GABRG2: variants seen among roughly 807,000 people sequenced by gnomAD.
GABRG2 encodes the protein gamma-aminobutyric acid type A receptor subunit gamma2.
Under a neutral mutation model 56.4 loss-of-function variants are expected in GABRG2, and 16 were observed. The ratio of observed to expected loss-of-function variants is 0.28; its 90% CI spans 0.19 to 0.43. The LOEUF is 0.43. Among genes scored for constraint, GABRG2 ranks in the 20% least tolerant of loss-of-function variants. The probability of loss-of-function intolerance (pLI) is 1.00; values close to 1 mark genes in which losing one functional copy is unlikely to be tolerated. For missense variants in GABRG2, 327 were observed against 582.7 expected (o/e 0.56, Z 4.52); for synonymous variants, 208 against 205.5 (o/e 1.01, Z -0.10).
rs1341698741 is a variant in GABRG2, at chr5:162,153,209, C to T, written c.1269C>T (p.Ala423=). 2 of 1,613,892 alleles carry T rather than the reference C, an allele frequency of 1.2e-6. No individual in the cohort carries two copies. Among genetic ancestry groups the T allele is most frequent in the Non-Finnish European group, 1.7e-6 (2 of 1,179,984 alleles). Residue 423 remains alanine (A), a synonymous_variant, in exon 10 of 10, where the codon GCC becomes GCT. Coordinates refer to ENST00000639213, the MANE Select transcript of GABRG2 (RefSeq NM_198904.4). ...GYECLDGKDC[A]SFFCCFEDCR... ...AGTGTCTGGACGGCAAGGACTGTGC[C>T]AGTTTTTTCTGCTGTTTTGAAGATT...
chr5:162,122,422 A>C (rs1446212496), intron 6 of GABRG2, among the ~76,000 whole-genome samples: 1 of 151,866 alleles, frequency 6.6e-6, no homozygotes, highest in Non-Finnish European at 1.5e-5. Context: ...AAAATAACTG[A>C]ATACATTTAA....
At chr5:162,086,053 T>C (rs531162247) in intron 1 of GABRG2, among the ~76,000 whole-genome samples, 33 of 152,100 alleles carry the variant, frequency 2.2e-4, no homozygotes, top group Admixed American at 9.2e-4. Flanking sequence ...TACTCGTGCA[T>C]GCTTTGTTTC....
chr5:162,090,805 C>T (rs1036643254), intron 1 of GABRG2, among the ~76,000 whole-genome samples: 18 of 152,086 alleles, frequency 1.2e-4, no homozygotes, highest in African/African-American at 4.3e-4. Context: ...TATGTTTGCT[C>T]TCTATCCACT....
chr5:162,075,425 T>A (rs1759017886), intron 1 of GABRG2, among the ~76,000 whole-genome samples: 1 of 152,108 alleles, frequency 6.6e-6, no homozygotes, highest in Non-Finnish European at 1.5e-5. Context: ...CCTCTAATCC[T>A]CTCTGCTTTA....
chr5:162,107,035 C>T (rs1761886825), intron 6 of GABRG2, among the ~76,000 whole-genome samples: 1 of 152,092 alleles, frequency 6.6e-6, no homozygotes, highest in South Asian at 2.1e-4. Flanking sequence ...ACCTCAGTGT[C>T]TGTTGTTCCC....
In GABRG2 at chr5:162,080,779, G is replaced by A. The variant is rs537528075; in HGVS notation, c.107+12673G>A. 9.2e-5 allele frequency among the ~76,000 whole-genome samples: 14 copies of A among 152,142 alleles called. No homozygotes were observed. In the South Asian group the frequency reaches 2.5e-3, roughly 27 times the overall value. On this transcript the variant is annotated intron_variant, in intron 1 of 9. Coordinates refer to ENST00000639213, the MANE Select transcript of GABRG2 (RefSeq NM_198904.4). ...TTTAGCTTCATCAGAGTTATATAACGTGTTGTTCTACATCCTACTGCAAAA... is the reference window on the plus strand; with the variant it reads ...TTTAGCTTCATCAGAGTTATATAACATGTTGTTCTACATCCTACTGCAAAA...
intron 6 of GABRG2, among the ~76,000 whole-genome samples, chr5:162,107,179 A>G (rs1235428983): frequency 2.0e-5 from 3 of 152,172 alleles, no homozygotes; most frequent in South Asian, 4.1e-4. Flanking sequence ...TGCAAAGAAC[A>G]TGTTCTCATT....
intron 6 of GABRG2, among the ~76,000 whole-genome samples, chr5:162,104,355 C>T (rs539294635): frequency 1.3e-5 from 2 of 152,118 alleles, no homozygotes; most frequent in Non-Finnish European, 2.9e-5. Flanking sequence ...GTAGTGAAAT[C>T]GCCACATTTC....
At position 162,142,342 on chromosome 5, in the gene GABRG2, G is replaced by A. The variant is rs760110295; in HGVS notation, c.922+26G>A. On this transcript the variant is annotated intron_variant, in intron 7 of 9. Transcript: ENST00000639213. ...GTGAGACACCTTTGTTTATGTTGCAGTTTCTCAAGATAAGTACCAAATACA... is the reference window on the plus strand; with the variant it reads ...GTGAGACACCTTTGTTTATGTTGCAATTTCTCAAGATAAGTACCAAATACA... 24 of 1,612,382 alleles carry A rather than the reference G, an allele frequency of 1.5e-5. No individual in the cohort carries two copies. The African/African-American group carries it at 1.6e-4, about 11-fold the overall frequency.
intron 2 of GABRG2, 50 bp downstream of exon 2, chr5:162,094,029 G>T (rs370904928): frequency 1.8e-5 from 29 of 1,579,042 alleles, no homozygotes; most frequent in African/African-American, 2.7e-5. Context: ...ACATAAACAT[G>T]TCTACTTTAA....
At chr5:162,143,116 G>C (rs1764703870) in intron 7 of GABRG2, among the ~76,000 whole-genome samples, 1 of 152,086 alleles carries the variant, frequency 6.6e-6, no homozygotes, top group Non-Finnish European at 1.5e-5. Context: ...TTCCCAACTT[G>C]GTATTCGGTG....
chr5:162,094,091 T>C, intron 2 of GABRG2, 112 bp downstream of exon 2: 1 of 1,227,446 alleles, frequency 8.1e-7, no homozygotes, highest in Non-Finnish European at 1.2e-6. Flanking sequence ...AATTATACTT[T>C]TTTATATGTT....
chr5:162,092,673 T>C (rs955101763), intron 1 of GABRG2, among the ~76,000 whole-genome samples: 3 of 152,152 alleles, frequency 2.0e-5, no homozygotes, highest in African/African-American at 7.2e-5. Context: ...TAAATCTGGC[T>C]TGAGAATATA....
intron 1 of GABRG2, among the ~76,000 whole-genome samples, chr5:162,087,629 A>C (rs1760230369): frequency 6.6e-6 from 1 of 152,066 alleles, no homozygotes; most frequent in Non-Finnish European, 1.5e-5. Flanking sequence ...TAGAAGAGAG[A>C]GATAGAAAAA....
intron 1 of GABRG2, 62 bp downstream of exon 1, chr5:162,068,168 G>A (rs1289570013): frequency 2.6e-6 from 3 of 1,150,402 alleles, no homozygotes; most frequent in East Asian, 2.4e-5. Flanking sequence ...GTGTGGGGAG[G>A]GGTAACTCGG....
chr5:162,107,283 A>C (rs1484481868), intron 6 of GABRG2, among the ~76,000 whole-genome samples: 1 of 152,196 alleles, frequency 6.6e-6, no homozygotes, highest in Admixed American at 6.6e-5. Context: ...TTGGAAAACC[A>C]GGACATTTAA....
intron 1 of GABRG2, among the ~76,000 whole-genome samples, chr5:162,091,787 C>A (rs1013463365): frequency 6.6e-6 from 1 of 152,048 alleles, no homozygotes; most frequent in African/African-American, 2.4e-5. Flanking sequence ...AATACAGCAC[C>A]ATTATACTTG....
intron 3 of GABRG2, among the ~76,000 whole-genome samples, chr5:162,097,034 C>A (rs923905781): frequency 1.3e-5 from 2 of 152,020 alleles, no homozygotes; most frequent in Non-Finnish European, 2.9e-5. Flanking sequence ...ACACGGCCTA[C>A]CCAGTTAGAT....
At chr5:162,097,132 C>T (rs1443179643) in intron 3 of GABRG2, among the ~76,000 whole-genome samples, 1 of 152,110 alleles carries the variant, frequency 6.6e-6, no homozygotes, top group Non-Finnish European at 1.5e-5. Flanking sequence ...CTTTGTTTCA[C>T]TCTACAGTGG....
Sources: allele counts gnomAD v4.1 joint callset (sites outside exome capture counted in the v4.1 genomes callset), GRCh38; gene constraint gnomAD v4.1.1; transcripts MANE v1.5; gene names NCBI Gene and HGNC (gene_info 2026-07-23, HGNC 2026-07-21).